LRRTM4: variants seen among roughly 807,000 people sequenced by gnomAD.
LRRTM4 encodes leucine rich repeat transmembrane neuronal 4, also known as leucine-rich repeat transmembrane neuronal protein 4.
A neutral mutation model predicts 47.6 loss-of-function variants in LRRTM4; 25 were observed. The ratio of observed to expected loss-of-function variants is 0.53; its 90% CI spans 0.38 to 0.73. LRRTM4 has a LOEUF of 0.73. LRRTM4 is among the 30% of genes least tolerant of loss of function. The pLI is 0.00. For synonymous variants in LRRTM4, 311 were observed against 269.5 expected (o/e 1.15, Z -1.51); for missense variants, 638 against 713.4 (o/e 0.89, Z 1.20).
chr2:77,002,849 C>T (rs1677482821), intron 3 of LRRTM4, among the ~76,000 whole-genome samples: 1 of 152,138 alleles, frequency 6.6e-6, no homozygotes, highest in South Asian at 2.1e-4. Context: ...CTCTTCATCA[C>T]ATTGTCCTGT....
intron 3 of LRRTM4, among the ~76,000 whole-genome samples, chr2:77,393,414 G>C (rs1673580659): frequency 6.6e-6 from 1 of 151,904 alleles, no homozygotes; most frequent in Non-Finnish European, 1.5e-5. Flanking sequence ...ATTCAGATTG[G>C]CAAGTAGGAG....
intron 3 of LRRTM4, among the ~76,000 whole-genome samples, chr2:77,220,777 C>T (rs954904258): frequency 1.3e-5 from 2 of 152,230 alleles, no homozygotes; most frequent in African/African-American, 4.8e-5. Flanking sequence ...TTGGAAAACA[C>T]TCTGCAGGAT....
At chr2:77,045,946 A>G (rs1182653149) in intron 3 of LRRTM4, among the ~76,000 whole-genome samples, 1 of 151,958 alleles carries the variant, frequency 6.6e-6, no homozygotes, top group African/African-American at 2.4e-5. Context: ...TTTGATTGTT[A>G]TATCTCTTAA....
chr2:77,047,928 T>G (rs544838771), intron 3 of LRRTM4, among the ~76,000 whole-genome samples: 1 of 152,206 alleles, frequency 6.6e-6, no homozygotes, highest in African/African-American at 2.4e-5. Flanking sequence ...TTGTGCATTG[T>G]AGGACATTTA....
At chr2:77,430,046 G>A (rs1337763935) in intron 3 of LRRTM4, among the ~76,000 whole-genome samples, 1 of 151,934 alleles carries the variant, frequency 6.6e-6, no homozygotes, top group Admixed American at 6.6e-5. Flanking sequence ...AGCAGCCTGG[G>A]CAGCAGAGTA....
In LRRTM4 at chr2:76,950,855, C is replaced by G. The variant is rs115636827; in HGVS notation, c.1552-201939G>C. ...CATATTAAGACTAGGCTAAAATGAA[C>G]TAGAGTTTCCGAGATGTCAGAAAAA... On this transcript the variant is annotated intron_variant, in intron 3 of 3. Transcript: ENST00000409884. Among the ~76,000 whole-genome samples, 382 of 152,056 alleles carry G rather than the reference C, an allele frequency of 2.5e-3. 2 individuals carry two copies. Among genetic ancestry groups the G allele is most frequent in the Non-Finnish European group, 3.7e-3 (251 of 67,952 alleles).
intron 3 of LRRTM4, among the ~76,000 whole-genome samples, chr2:77,078,338 T>C (rs1335160399): frequency 1.3e-5 from 2 of 151,440 alleles, no homozygotes; most frequent in Non-Finnish European, 2.9e-5. Context: ...CTAGGAAAGA[T>C]AATTTTATTG....
At chr2:76,849,827 AT>A (rs200096987) in intron 3 of LRRTM4, among the ~76,000 whole-genome samples, 7 of 151,804 alleles carry the variant, frequency 4.6e-5, no homozygotes, top group Middle Eastern at 3.4e-3. Context: ...GTTGAAGACA[AT>A]TTTTTTTTAA....
intron 3 of LRRTM4, among the ~76,000 whole-genome samples, chr2:77,300,804 G>A (rs1677115820): frequency 6.6e-6 from 1 of 151,994 alleles, no homozygotes; most frequent in East Asian, 1.9e-4. Context: ...GATTAAGATA[G>A]CAACTTGTAT....
chr2:76,978,858 C>A (rs1336118073), intron 3 of LRRTM4, among the ~76,000 whole-genome samples: 2 of 152,006 alleles, frequency 1.3e-5, no homozygotes, highest in African/African-American at 4.8e-5. Context: ...TCTTACCTTT[C>A]CCTGAAGCAT....
intron 3 of LRRTM4, among the ~76,000 whole-genome samples, chr2:77,251,443 T>A (rs567024339): frequency 6.6e-6 from 1 of 151,674 alleles, no homozygotes; most frequent in East Asian, 2.0e-4. Flanking sequence ...GGAATTGAGA[T>A]GAAAAGGAAG....
intron 3 of LRRTM4, among the ~76,000 whole-genome samples, chr2:77,243,177 C>T (rs550534036): frequency 2.0e-4 from 30 of 152,176 alleles, no homozygotes; most frequent in African/African-American, 7.0e-4. Flanking sequence ...CTTTGGGAGG[C>T]CGAGGCGGGT....
rs561902329 is a variant in LRRTM4, at chr2:77,012,350, A to G, written c.1552-263434T>C. 1.8e-3 allele frequency among the ~76,000 whole-genome samples: 270 copies of G among 152,272 alleles called. 1 individual carries two copies. Among genetic ancestry groups the G allele is most frequent in the Non-Finnish European group, 2.8e-3 (192 of 68,026 alleles). On this transcript the variant is annotated intron_variant, in intron 3 of 3. Coordinates refer to ENST00000409884, the MANE Select transcript of LRRTM4 (RefSeq NM_001134745.3). ...AGAGGTTTGAAACGGATGTTCTAGT[A>G]AAACCTCTTGTAGTGCATAATCAGC...
intron 3 of LRRTM4, among the ~76,000 whole-genome samples, chr2:77,119,676 G>T (rs558039954): frequency 2.0e-5 from 3 of 151,708 alleles, no homozygotes; most frequent in Non-Finnish European, 4.4e-5. Context: ...TTAGAGAATC[G>T]TAAAAAAGAG....
intron 3 of LRRTM4, among the ~76,000 whole-genome samples, chr2:77,020,745 A>G (rs1255812491): frequency 6.6e-6 from 1 of 152,152 alleles, no homozygotes; most frequent in East Asian, 1.9e-4. Flanking sequence ...TCATTTCTTA[A>G]AGAAAAGAAA....
chr2:77,370,948 G>A (rs1304843817), intron 3 of LRRTM4, among the ~76,000 whole-genome samples: 2 of 151,660 alleles, frequency 1.3e-5, no homozygotes, highest in Non-Finnish European at 1.5e-5. Flanking sequence ...ATTAATATGT[G>A]ATTTCAAATG....
At chr2:77,405,101 C>T (rs939316960) in intron 3 of LRRTM4, among the ~76,000 whole-genome samples, 3 of 152,006 alleles carry the variant, frequency 2.0e-5, no homozygotes, top group African/African-American at 7.2e-5. Flanking sequence ...ATTTAAATTA[C>T]TCTTATAATG....
At chr2:77,399,863 C>T (rs1345684608) in intron 3 of LRRTM4, among the ~76,000 whole-genome samples, 1 of 151,796 alleles carries the variant, frequency 6.6e-6, no homozygotes, top group Non-Finnish European at 1.5e-5. Flanking sequence ...TTTTTGCTCC[C>T]TCCTCACTTC....
intron 3 of LRRTM4, chr2:76,772,995 G>C (rs1673777959): frequency 6.6e-6 from 1 of 152,156 alleles, no homozygotes; most frequent in South Asian, 2.1e-4. Context: ...ACTTGGATGG[G>C]AGTCTGGTAC....
Sources: gnomAD v4.1 joint callset for allele counts (sites outside exome capture counted in the v4.1 genomes callset) on GRCh38, gnomAD v4.1.1 for gene constraint, MANE v1.5 for transcripts, NCBI Gene and HGNC (gene_info 2026-07-23, HGNC 2026-07-21) for gene names.